Variants in ARHGAP24 observed in about 807,000 individuals in gnomAD.
ARHGAP24 encodes rho GTPase-activating protein 24.
In ARHGAP24, 50 loss-of-function variants were observed where a neutral mutation model predicts 76.4. The observed-to-expected ratio is 0.65, with a 90% CI of 0.52 to 0.83. The LOEUF is 0.83. Ranked by LOEUF, ARHGAP24 falls within the 40% of genes least tolerant of loss-of-function variation. ARHGAP24 has a pLI of 0.00. For missense variants in ARHGAP24, 930 were observed against 914.2 expected, an observed-to-expected ratio of 1.02 and a Z score of -0.22; for synonymous variants, 345 against 323.3, an observed-to-expected ratio of 1.07 and a Z score of -0.72.
intron 2 of ARHGAP24, among the ~76,000 whole-genome samples, chr4:85,607,694 T>TTTA (rs1419552664): frequency 6.8e-6 from 1 of 147,924 alleles, no homozygotes; most frequent in Admixed American, 6.7e-5. Context: ...TTTTTTTTTT[T>TTTA]TTTAAGAAAC....
chr4:85,802,137 A>G (rs1410269202), intron 3 of ARHGAP24, among the ~76,000 whole-genome samples: 1 of 152,200 alleles, frequency 6.6e-6, no homozygotes, highest in Non-Finnish European at 1.5e-5. Flanking sequence ...TAATGTTTGG[A>G]TAAGAATTAA....
chr4:85,917,447 C>A (rs966892942), intron 3 of ARHGAP24, among the ~76,000 whole-genome samples: 4 of 151,758 alleles, frequency 2.6e-5, no homozygotes, highest in Non-Finnish European at 4.4e-5. Context: ...ATGGCTGGGT[C>A]AAATGGTATT....
intron 2 of ARHGAP24, among the ~76,000 whole-genome samples, chr4:85,695,371 A>G (rs1723830487): frequency 6.6e-6 from 1 of 152,218 alleles, no homozygotes; most frequent in Non-Finnish European, 1.5e-5. Context: ...TTACATGGGT[A>G]TGGGGAAGGT....
intron 2 of ARHGAP24, among the ~76,000 whole-genome samples, chr4:85,648,311 G>A (rs182085864): frequency 7.9e-5 from 12 of 152,078 alleles, no homozygotes; most frequent in African/African-American, 2.2e-4. Flanking sequence ...TGAATAATGC[G>A]TATTATTGTT....
intron 1 of ARHGAP24, among the ~76,000 whole-genome samples, chr4:85,564,961 T>C (rs1726774376): frequency 8.4e-6 from 1 of 119,666 alleles, no homozygotes; most frequent in African/African-American, 3.6e-5. Context: ...TATATATATA[T>C]ATATATATAC....
chr4:85,934,087 C>T (rs999295557), intron 4 of ARHGAP24, among the ~76,000 whole-genome samples: 4 of 152,220 alleles, frequency 2.6e-5, no homozygotes, highest in African/African-American at 9.6e-5. Context: ...TGTGCACCCC[C>T]AGCACTCTTC....
At chr4:85,832,883 G>A (rs1730066266) in intron 3 of ARHGAP24, among the ~76,000 whole-genome samples, 1 of 152,270 alleles carries the variant, frequency 6.6e-6, no homozygotes, top group South Asian at 2.1e-4. Context: ...GCTGCTTGAG[G>A]GGTACCTGGG....
At chr4:85,706,755 G>A (rs1024030575) in intron 2 of ARHGAP24, among the ~76,000 whole-genome samples, 4 of 151,250 alleles carry the variant, frequency 2.6e-5, no homozygotes, top group Non-Finnish European at 5.9e-5. Context: ...TAGTAGAGAC[G>A]GGGTTTCACC....
At chr4:85,707,453 A>G (rs1724358960) in intron 2 of ARHGAP24, among the ~76,000 whole-genome samples, 1 of 152,180 alleles carries the variant, frequency 6.6e-6, no homozygotes, top group South Asian at 2.1e-4. Flanking sequence ...CGTGTCTAGC[A>G]AAATATTTCC....
rs529609083 is a variant in ARHGAP24 at position 85,961,469 on chromosome 4, GATTTGT to G, written c.600-10566_600-10561del. On this transcript the variant is annotated intron_variant, in intron 5 of 9. Coordinates refer to ENST00000395184, the MANE Select transcript of ARHGAP24 (RefSeq NM_001025616.3). ...ACTCATTTCTTGCATGAAGCACAAG[GATTTGT>G]TTACTTTATTTATTTTTATTGGAAG... is the stretch of plus-strand genomic sequence containing the variant. 5.2e-3 allele frequency among the ~76,000 whole-genome samples: 789 copies of G among 152,006 alleles called. 6 individuals carry two copies. The highest frequency in any genetic ancestry group is 0.018 in the African/African-American group (751 of 41,502).
intron 2 of ARHGAP24, among the ~76,000 whole-genome samples, chr4:85,593,176 G>A (rs1216774317): frequency 6.6e-6 from 1 of 152,052 alleles, no homozygotes; most frequent in Non-Finnish European, 1.5e-5. Flanking sequence ...TCTCATTGTA[G>A]TTTTGATTTG....
intron 5 of ARHGAP24, among the ~76,000 whole-genome samples, chr4:85,948,983 G>T (rs186863720): frequency 1.3e-5 from 2 of 152,144 alleles, no homozygotes; most frequent in East Asian, 3.9e-4. Context: ...CTTAACATAT[G>T]CACAAATAAA....
At chr4:85,983,288 C>T (rs1278905444) in intron 8 of ARHGAP24, among the ~76,000 whole-genome samples, 1 of 151,942 alleles carries the variant, frequency 6.6e-6, no homozygotes, top group African/African-American at 2.4e-5. Context: ...TGGGTATATA[C>T]CCAGTAATTG....
intron 8 of ARHGAP24, among the ~76,000 whole-genome samples, chr4:85,993,466 A>G (rs1171762666): frequency 2.0e-5 from 3 of 152,242 alleles, no homozygotes; most frequent in African/African-American, 7.2e-5. Flanking sequence ...AGTGTGTAGA[A>G]TATAAATGAA....
At chr4:85,679,611 C>T (rs1723127002) in intron 2 of ARHGAP24, among the ~76,000 whole-genome samples, 2 of 152,188 alleles carry the variant, frequency 1.3e-5, no homozygotes, top group Non-Finnish European at 2.9e-5. Context: ...TTTCTACTCA[C>T]AGCTAATTCC....
chr4:85,935,247 A>G (rs948756575), intron 4 of ARHGAP24, among the ~76,000 whole-genome samples: 3 of 152,230 alleles, frequency 2.0e-5, no homozygotes, highest in African/African-American at 7.2e-5. Flanking sequence ...TGGAGCCTCT[A>G]CCAAGTGGTG....
At chr4:85,573,030 C>T (rs924729431) in intron 2 of ARHGAP24, among the ~76,000 whole-genome samples, 4 of 151,788 alleles carry the variant, frequency 2.6e-5, no homozygotes, top group African/African-American at 7.3e-5. Context: ...GAGTGCGCCA[C>T]CACACCCGGC....
intron 1 of ARHGAP24, among the ~76,000 whole-genome samples, chr4:85,541,145 T>TAATAACTTGC (rs1437526081): frequency 3.3e-5 from 1 of 29,926 alleles, no homozygotes; most frequent in African/African-American, 1.6e-4. Context: ...CCATGACCTT[T>TAATAACTTGC]TTTTTTTTTT....
chr4:85,946,905 A>G (rs1248862638), intron 5 of ARHGAP24, among the ~76,000 whole-genome samples: 1 of 152,194 alleles, frequency 6.6e-6, no homozygotes, highest in Non-Finnish European at 1.5e-5. Context: ...AGAAATCTCC[A>G]AATTGCTCTC....
Sources: gnomAD v4.1 joint callset for allele counts (sites outside exome capture counted in the v4.1 genomes callset) on GRCh38, gnomAD v4.1.1 for gene constraint, MANE v1.5 for transcripts, NCBI Gene and HGNC (gene_info 2026-07-23, HGNC 2026-07-21) for gene names.